ZDHHC22: variants seen among roughly 807,000 people sequenced by gnomAD.
The protein encoded by ZDHHC22 is zDHHC palmitoyltransferase 22.
In ZDHHC22, 13 loss-of-function variants were observed where a neutral mutation model predicts 17.0. The observed-to-expected ratio is 0.76, with a 90% CI of 0.50 to 1.21. ZDHHC22 has a LOEUF of 1.21. Ranked by LOEUF, ZDHHC22 falls within the 50% of genes most tolerant of loss-of-function variation. The pLI is 0.00. For synonymous variants in ZDHHC22, 138 were observed against 154.7 expected, an observed-to-expected ratio of 0.89 and a Z score of 0.80; for missense variants, 319 against 342.3, an observed-to-expected ratio of 0.93 and a Z score of 0.54.
At chr14:77,138,153 C>T (rs748476905) in intron 2 of ZDHHC22, among the ~76,000 whole-genome samples, 6 of 152,180 alleles carry the variant, frequency 3.9e-5, no homozygotes, top group African/African-American at 7.2e-5. Flanking sequence ...TGGAAGGAAA[C>T]GCAGTAGGAG....
At position 77,131,943 on chromosome 14, in the gene ZDHHC22, T is replaced by A. The variant is rs1367719476; in HGVS notation, c.*1740A>T. The A allele has an allele frequency of 1.3e-5, 2 of 151,902 alleles. No individual in the cohort carries two copies. The highest frequency in any genetic ancestry group is 2.9e-5 in the Non-Finnish European group (2 of 67,996). 9.4% of individuals were successfully genotyped at this position (151,902 alleles called of 1,614,324 possible). ...AATACTACATTAGCTCTCTAGGGGG[T>A]GTGAAGGCAGAACCACAGTAAAGTC... On this transcript the variant is annotated 3_prime_UTR_variant, in exon 3 of 3. Coordinates refer to ENST00000319374, the MANE Select transcript of ZDHHC22 (RefSeq NM_174976.2).
Position 77,133,392 on chromosome 14 carries a change from A to C in ZDHHC22, c.*291T>G. On this transcript the variant is annotated 3_prime_UTR_variant, in exon 3 of 3. Transcript: ENST00000319374. ...ACGGTGGAGAATGGATGAGCCAGGAAGAGGGGGAAAGCAGGGATCCCAAGG... is the reference window on the plus strand; with the variant it reads ...ACGGTGGAGAATGGATGAGCCAGGACGAGGGGGAAAGCAGGGATCCCAAGG... 2 of 385,960 alleles carry C rather than the reference A, an allele frequency of 5.2e-6. No individual in the cohort carries two copies. The highest frequency in any genetic ancestry group is 4.7e-6 in the Non-Finnish European group (1 of 214,210). 23.9% of individuals were successfully genotyped at this position (385,960 alleles called of 1,614,324 possible).
In ZDHHC22 at chr14:77,139,767, G is replaced by A. The variant is rs1887214712; in HGVS notation, c.-14-15C>T. ...CGATTACATTCCTGCGGGGCCCGGGGTGAGAAGAGGACTGACTGACTACGG... is the reference window on the plus strand; with the variant it reads ...CGATTACATTCCTGCGGGGCCCGGGATGAGAAGAGGACTGACTGACTACGG... On this transcript the variant is annotated splice_polypyrimidine_tract_variant and intron_variant, in intron 1 of 2. Transcript: ENST00000319374. 2.7e-6 allele frequency: 4 copies of A among 1,464,422 alleles called. No homozygotes were observed. Among genetic ancestry groups the A allele is most frequent in the Non-Finnish European group, 3.6e-6 (4 of 1,107,406 alleles). 90.7% of individuals were successfully genotyped at this position (1,464,422 alleles called of 1,614,324 possible). A position where few individuals can be genotyped will look rare whatever the true frequency, so the allele number is the denominator to read the frequency against.
upstream of ZDHHC22, chr14:77,142,007 C>G (rs1165709631): frequency 6.6e-6 from 1 of 152,454 alleles, no homozygotes; most frequent in African/African-American, 2.4e-5. Context: ...GATTCTCCAG[C>G]CATCATCCTG....
Position 77,133,790 on chromosome 14 carries a change from G to A in ZDHHC22, c.685C>T (p.Pro229Ser), listed in dbSNP as rs756152238. The A allele has an allele frequency of 1.9e-6, 3 of 1,614,018 alleles. No homozygotes were observed. Among genetic ancestry groups the A allele is most frequent in the Non-Finnish European group, 2.5e-6 (3 of 1,179,902 alleles). The change falls in exon 3 of 3, where the codon CCC becomes TCC. Residue 229 changes from proline to serine, a missense_variant. Coordinates refer to ENST00000319374, the MANE Select transcript of ZDHHC22 (RefSeq NM_174976.2). ...ACCTCTTGTAAGTTCTTGCGCCAGG[G>A]CCGGGCCCTCACTGCCACCCCCTTC... ...VRKGVAVRAR[P>S]WRKNLQEVFG...
intron 2 of ZDHHC22, among the ~76,000 whole-genome samples, chr14:77,135,194 G>GGGGC (rs1887112379): frequency 6.6e-6 from 1 of 151,834 alleles, no homozygotes; most frequent in South Asian, 2.1e-4. Flanking sequence ...CTCTGGTGGG[G>GGGGC]GGGGGGCACC....
chr14:77,141,879 T>C (rs1887263308), upstream of ZDHHC22: 1 of 152,268 alleles, frequency 6.6e-6, no homozygotes, highest in African/African-American at 2.4e-5. Flanking sequence ...TGGCCGCCAG[T>C]CTCAGCATCG....
rs1887240950 is a variant in ZDHHC22 at position 77,140,882 on chromosome 14, C to A, written c.-15+721G>T. 1 of 152,186 alleles carries A rather than the reference C, an allele frequency of 6.6e-6. No homozygotes were observed. 9.4% of individuals were successfully genotyped at this position (152,186 alleles called of 1,614,324 possible). On this transcript the variant is annotated intron_variant, in intron 1 of 2. Coordinates refer to ENST00000319374, the MANE Select transcript of ZDHHC22 (RefSeq NM_174976.2). The surrounding 1 kb of genome is among the most constrained non-coding windows in gnomAD (Gnocchi z 5.9). The stretch of plus-strand genomic sequence containing the variant: ...CACCGAGAAATAGGATTCCGTGCGC[C>A]CGAGAGAACTTTTCCAGGGGCTAAG...
At chr14:77,141,194 A>C (rs981616616) in intron 1 of ZDHHC22, 3 of 151,962 alleles carry the variant, frequency 2.0e-5, no homozygotes, top group Admixed American at 6.5e-5. Context: ...GGTGCTGCCC[A>C]CCCCAGAGAG....
At position 77,133,797 on chromosome 14, in the gene ZDHHC22, C is replaced by G; in HGVS notation, c.678G>C (p.Arg226Ser). 6.2e-7 allele frequency: 1 copy of G among 1,613,998 alleles called. No homozygotes were observed. Among genetic ancestry groups the G allele is most frequent in the Non-Finnish European group, 8.5e-7 (1 of 1,179,896 alleles). The change falls in exon 3 of 3, where the codon AGG becomes AGC. Residue 226 changes from arginine to serine, a missense_variant. Arg to Ser is a moderately radical substitution (Grantham distance 110). Transcript: ENST00000319374. ...GTAAGTTCTTGCGCCAGGGCCGGGC[C>G]CTCACTGCCACCCCCTTCCGCACCT... is the stretch of plus-strand genomic sequence containing the variant. ...RHQVRKGVAVRARPWRKNLQE... is the reference protein window; with the variant it reads ...RHQVRKGVAVSARPWRKNLQE...
Position 77,134,165 on chromosome 14 carries a change from G to A in ZDHHC22, c.527-217C>T, listed in dbSNP as rs117848090. ...GGCGCGGATGGCACCTGAGGCAAGA[G>A]GGGAAGACTGGAGACATGGCAGAGA... On this transcript the variant is annotated intron_variant, in intron 2 of 2. Coordinates refer to ENST00000319374, the MANE Select transcript of ZDHHC22 (RefSeq NM_174976.2). 1.1e-3 allele frequency among the ~76,000 whole-genome samples: 168 copies of A among 152,328 alleles called. 1 individual carries two copies. In the East Asian group the frequency reaches 0.025, roughly 23 times the overall value.
At chr14:77,138,672 G>A (rs1460730378) in intron 2 of ZDHHC22, among the ~76,000 whole-genome samples, 4 of 152,232 alleles carry the variant, frequency 2.6e-5, no homozygotes, top group Non-Finnish European at 5.9e-5. Context: ...CAGGAGGACA[G>A]AGCTTAGCCT....
At chr14:77,139,131 G>T in intron 2 of ZDHHC22, 82 bp downstream of exon 2, 1 of 1,432,868 alleles carries the variant, frequency 7.0e-7, no homozygotes, top group Non-Finnish European at 9.3e-7. Context: ...GGCAACTTTT[G>T]GGGTTGGGGT....
In ZDHHC22 at chr14:77,131,843, G is replaced by A. The variant is rs561008822; in HGVS notation, c.*1840C>T. On this transcript the variant is annotated 3_prime_UTR_variant, in exon 3 of 3. Transcript: ENST00000319374. ...CTGGAAGAGGCTGGGAACGTAGTTG[G>A]CACTCAATAAATATACGTAGGATGG... is the stretch of plus-strand genomic sequence containing the variant. The A allele has an allele frequency of 6.6e-6, 1 of 152,238 alleles. No homozygotes were observed. The highest frequency in any genetic ancestry group is 6.5e-5 in the Admixed American group (1 of 15,274). The allele number at this position is 152,238 out of a possible 1,614,324, so 9.4% of individuals were successfully genotyped here.
chr14:77,141,192 C>T (rs1887248277), intron 1 of ZDHHC22: 1 of 152,168 alleles, frequency 6.6e-6, no homozygotes, highest in Non-Finnish European at 1.5e-5. Context: ...GCGGTGCTGC[C>T]CACCCCAGAG....
At chr14:77,137,305 G>A (rs1394580730) in intron 2 of ZDHHC22, among the ~76,000 whole-genome samples, 1 of 152,210 alleles carries the variant, frequency 6.6e-6, no homozygotes, top group African/African-American at 2.4e-5. Context: ...GCTGGCACAG[G>A]AGTCTGGGCC....
At chr14:77,141,054 C>T (rs1424560130) in intron 1 of ZDHHC22, 1 of 152,376 alleles carries the variant, frequency 6.6e-6, no homozygotes, top group East Asian at 1.9e-4. Context: ...CCCAGCGCCC[C>T]CCGGGAACCC....
chr14:77,138,947 A>G (rs1594831397), intron 2 of ZDHHC22, among the ~76,000 whole-genome samples: 1 of 152,308 alleles, frequency 6.6e-6, no homozygotes, highest in East Asian at 1.9e-4. Flanking sequence ...GCAAGGGGGG[A>G]TGTTACCAAT....
At position 77,133,206 on chromosome 14, in the gene ZDHHC22, T is replaced by C. The variant is rs1372572255; in HGVS notation, c.*477A>G. 8 of 155,650 alleles carry C rather than the reference T, an allele frequency of 5.1e-5. No homozygotes were observed. The highest frequency in any genetic ancestry group is 5.0e-4 in the Admixed American group (8 of 15,970). The allele number at this position is 155,650 out of a possible 1,614,324, so 9.6% of individuals were successfully genotyped here. ...CACTCTTTCCCAACTCCCCTAGCAG[T>C]TGGCAGAGCTGACTTGGCTGCCTCT... On this transcript the variant is annotated 3_prime_UTR_variant, in exon 3 of 3. Transcript: ENST00000319374.
Sources: allele counts gnomAD v4.1 joint callset (sites outside exome capture counted in the v4.1 genomes callset), GRCh38; gene constraint gnomAD v4.1.1; non-coding constraint Gnocchi (gnomAD v3.1); transcripts MANE v1.5; gene names NCBI Gene and HGNC (gene_info 2026-07-23, HGNC 2026-07-21).